Variants in DEPDC5 observed in about 807,000 individuals in gnomAD.
The protein encoded by DEPDC5 is GATOR1 complex protein DEPDC5.
A neutral mutation model predicts 217.3 loss-of-function variants in DEPDC5; 73 were observed. The ratio of observed to expected loss-of-function variants is 0.34; its 90% confidence interval spans 0.28 to 0.41. The LOEUF (loss-of-function observed/expected upper bound fraction) is 0.41, where lower values mean the gene tolerates loss of function less well. Among genes scored for constraint, DEPDC5 ranks in the 10% least tolerant of loss-of-function variants. The pLI is 1.00. For synonymous variants in DEPDC5, 733 were observed against 756.7 expected, an observed-to-expected ratio of 0.97 and a Z score of 0.51; for missense variants, 1,675 against 2,070.1, an observed-to-expected ratio of 0.81 and a Z score of 3.70.
intron 7 of DEPDC5, among the ~76,000 whole-genome samples, chr22:31,771,684 C>CACTCT (rs1329287407): frequency 6.7e-6 from 1 of 149,284 alleles, no homozygotes; most frequent in East Asian, 2.0e-4. Flanking sequence ...CACACCACTG[C>CACTCT]ACTCTAGCCT....
intron 4 of DEPDC5, 46 bp from the exon 5 acceptor site, chr22:31,764,929 C>T (rs1005305403): frequency 1.3e-6 from 2 of 1,482,150 alleles, no homozygotes; most frequent in East Asian, 2.3e-5. Flanking sequence ...TATGGATCTG[C>T]TTTTTCAAAA....
chr22:31,790,937 G>A (rs1224465654), intron 10 of DEPDC5, among the ~76,000 whole-genome samples: 1 of 151,834 alleles, frequency 6.6e-6, no homozygotes, highest in East Asian at 1.9e-4. Flanking sequence ...AGTAGAGATG[G>A]AGTTTCGCCA....
At chr22:31,799,096 T>C (rs185338074) in intron 14 of DEPDC5, among the ~76,000 whole-genome samples, 8 of 150,366 alleles carry the variant, frequency 5.3e-5, no homozygotes, top group Middle Eastern at 3.4e-3. Context: ...CAGGCTGGAG[T>C]GCAGTGATGC....
chr22:31,806,105 G>C lies in DEPDC5; in HGVS notation c.1218-17G>C. 2 of 1,601,960 alleles carry C rather than the reference G, an allele frequency of 1.2e-6. No individual in the cohort carries two copies. Among genetic ancestry groups the C allele is most frequent in the African/African-American group, 2.8e-5 (2 of 71,634 alleles). The stretch of plus-strand genomic sequence containing the variant: ...AAAGGGAATTTAGATTAATGACTCT[G>C]TTTGTTTCTTTTACAGTTTCTACAC... On this transcript the variant is annotated splice_polypyrimidine_tract_variant and intron_variant, in intron 17 of 42. Coordinates refer to ENST00000651528, the MANE Select transcript of DEPDC5 (RefSeq NM_001242896.3).
chr22:31,792,165 C>T (rs1056714232), intron 11 of DEPDC5, 63 bp downstream of exon 11: 2 of 1,222,226 alleles, frequency 1.6e-6, no homozygotes, highest in African/African-American at 1.5e-5. Context: ...CCCACCCCAG[C>T]CATTTCCTTT....
At chr22:31,839,238 G>A (rs1467009109) in intron 27 of DEPDC5, among the ~76,000 whole-genome samples, 1 of 152,156 alleles carries the variant, frequency 6.6e-6, no homozygotes, top group East Asian at 1.9e-4. Flanking sequence ...GTTTACATTT[G>A]TTCTTATTTT....
At chr22:31,862,021 C>G (rs1419744928) in intron 33 of DEPDC5, among the ~76,000 whole-genome samples, 1 of 151,420 alleles carries the variant, frequency 6.6e-6, no homozygotes, top group Non-Finnish European at 1.5e-5. Flanking sequence ...GGCAGATCAC[C>G]TGAGGTCAGG....
chr22:31,777,985 T>C, intron 7 of DEPDC5, 114 bp from the exon 8 acceptor site: 2 of 1,138,010 alleles, frequency 1.8e-6, no homozygotes, highest in South Asian at 2.6e-5. Flanking sequence ...TGACCTCAGG[T>C]AATTCGCCCG....
At chr22:31,761,832 G>T (rs2082414865) in intron 4 of DEPDC5, among the ~76,000 whole-genome samples, 1 of 151,796 alleles carries the variant, frequency 6.6e-6, no homozygotes. Context: ...GCCGGGTGTG[G>T]TGGCATGCAC....
At chr22:31,778,225 C>A in intron 8 of DEPDC5, 57 bp downstream of exon 8, 1 of 1,547,064 alleles carries the variant, frequency 6.5e-7, no homozygotes, top group Non-Finnish European at 8.9e-7. Context: ...ATGGCTAAGT[C>A]CTAAAATCAA....
chr22:31,838,737 A>G lies in DEPDC5; in HGVS notation c.2407A>G (p.Ile803Val). Residue 803 changes from isoleucine (I) to valine (V), a missense_variant, in exon 27 of 43, where the codon ATT becomes GTT. Physicochemically the swap from Ile to Val is conservative, Grantham distance 29 (BLOSUM62 3). This residue lies in a region of DEPDC5 where 293 missense variants were observed against 386.1 expected (regional missense o/e 0.76). Coordinates refer to ENST00000651528, the MANE Select transcript of DEPDC5 (RefSeq NM_001242896.3). ...AGCCCAGCAGGTATTTGAAGAGTTT[A>G]TTTGCCAACGTCTCATGCAGGGCTA... The part of the protein sequence containing the change: ...MTAQQVFEEF[I>V]CQRLMQGYQI... 6.2e-7 allele frequency: 1 copy of G among 1,614,084 alleles called. No homozygotes were observed. Among genetic ancestry groups the G allele is most frequent in the East Asian group, 2.2e-5 (1 of 44,882 alleles).
At chr22:31,880,982 T>C (rs538718374) in intron 38 of DEPDC5, among the ~76,000 whole-genome samples, 22 of 147,786 alleles carry the variant, frequency 1.5e-4, no homozygotes, top group Admixed American at 1.1e-3. Context: ...GCCACTGTAC[T>C]CCAGCCTGGG....
At chr22:31,780,072 G>C (rs906439822) in intron 8 of DEPDC5, among the ~76,000 whole-genome samples, 46 of 152,286 alleles carry the variant, frequency 3.0e-4, no homozygotes, top group East Asian at 1.9e-4. Flanking sequence ...GAATGGATAG[G>C]CATTTAGCAT....
At chr22:31,807,168 A>T (rs1048074728) in intron 18 of DEPDC5, among the ~76,000 whole-genome samples, 1 of 152,246 alleles carries the variant, frequency 6.6e-6, no homozygotes, top group East Asian at 1.9e-4. Flanking sequence ...TTGGTGTACC[A>T]TACTTTTGCA....
At position 31,769,559 on chromosome 22, in the gene DEPDC5, T is replaced by C. The variant is rs574275668; in HGVS notation, c.413+696T>C. On this transcript the variant is annotated intron_variant, in intron 7 of 42. Coordinates refer to ENST00000651528, the MANE Select transcript of DEPDC5 (RefSeq NM_001242896.3). ...TTTAACTATATTGCTGTACTCTTGATTTATTAAAACTATTTCTATATTTTA... is the reference window on the plus strand; with the variant it reads ...TTTAACTATATTGCTGTACTCTTGACTTATTAAAACTATTTCTATATTTTA... 3.3e-5 allele frequency: 5 copies of C among 152,280 alleles called. No homozygotes were observed. The East Asian group carries it at 9.7e-4, about 29-fold the overall frequency. 9.4% of individuals were successfully genotyped at this position (152,280 alleles called of 1,614,324 possible).
chr22:31,811,256 G>A (rs991159761), intron 20 of DEPDC5, among the ~76,000 whole-genome samples: 18 of 152,176 alleles, frequency 1.2e-4, no homozygotes, highest in African/African-American at 4.3e-4. Context: ...TTTTTGTAGA[G>A]ATGGGGTTTC....
chr22:31,811,565 T>G (rs1222235215), intron 20 of DEPDC5, among the ~76,000 whole-genome samples: 1 of 151,908 alleles, frequency 6.6e-6, no homozygotes, highest in Non-Finnish European at 1.5e-5. Flanking sequence ...TTTTTTTTTT[T>G]TTGAGACAGG....
intron 39 of DEPDC5, among the ~76,000 whole-genome samples, chr22:31,897,213 C>T (rs915679114): frequency 7.2e-5 from 11 of 152,164 alleles, no homozygotes; most frequent in African/African-American, 2.7e-4. Flanking sequence ...CTCTGCAGAC[C>T]GTTCTTTCTA....
rs371351091 is a variant in DEPDC5, at chr22:31,907,369, GGTTTTTTTTGTTGTT to G, written c.*888_*902del. 1.5e-4 allele frequency: 23 copies of G among 151,122 alleles called. No homozygotes were observed. The highest frequency in any genetic ancestry group is 3.2e-4 in the African/African-American group (13 of 40,760). 9.4% of individuals were successfully genotyped at this position (151,122 alleles called of 1,614,324 possible). On this transcript the variant is annotated 3_prime_UTR_variant, in exon 43 of 43. Coordinates refer to ENST00000651528, the MANE Select transcript of DEPDC5 (RefSeq NM_001242896.3). ...GAAACATTTTGTAGACTCTAACTTA[GGTTTTTTTTGTTGTT>G]GTTTTTTTTGTTGTTTTTTTTGACA...
Sources: gnomAD v4.1 joint callset for allele counts (sites outside exome capture counted in the v4.1 genomes callset) on GRCh38, gnomAD v4.1.1 for gene constraint, gnomAD v4.1.1 regional missense constraint, MANE v1.5 for transcripts, NCBI Gene and HGNC (gene_info 2026-07-23, HGNC 2026-07-21) for gene names.